Variants in STPG2 observed in about 807,000 individuals in gnomAD.
STPG2 encodes the protein sperm tail PG-rich repeat containing 2.
A neutral mutation model predicts 54.2 loss-of-function variants in STPG2; 56 were observed. The observed-to-expected ratio is 1.03, with a 90% confidence interval of 0.83 to 1.29. STPG2 has a LOEUF of 1.29. Ranked by LOEUF, STPG2 falls within the 50% of genes most tolerant of loss-of-function variation. The pLI, the probability that STPG2 is intolerant of heterozygous loss-of-function variation, is 0.00. For synonymous variants in STPG2, 200 were observed against 181.8 expected, an observed-to-expected ratio of 1.10 and a Z score of -0.81; for missense variants, 596 against 544.9, an observed-to-expected ratio of 1.09 and a Z score of -0.93.
At chr4:97,678,716 C>G (rs1257993424) in intron 10 of STPG2, among the ~76,000 whole-genome samples, 1 of 151,496 alleles carries the variant, frequency 6.6e-6, no homozygotes, top group Non-Finnish European at 1.5e-5. Context: ...TGCTGGTGTG[C>G]TGCACCCATT....
chr4:97,842,452 C>T (rs1233622075), intron 8 of STPG2, among the ~76,000 whole-genome samples: 3 of 151,840 alleles, frequency 2.0e-5, no homozygotes, highest in Admixed American at 6.6e-5. Context: ...CCTGTGCATA[C>T]AATATGCCTA....
intron 8 of STPG2, among the ~76,000 whole-genome samples, chr4:97,913,512 C>A (rs1030961374): frequency 6.6e-6 from 1 of 152,098 alleles, no homozygotes; most frequent in Non-Finnish European, 1.5e-5. Flanking sequence ...GGGTTCCTAA[C>A]CTATAGAACA....
intron 9 of STPG2, among the ~76,000 whole-genome samples, chr4:97,831,665 C>T (rs1227605904): frequency 1.3e-5 from 2 of 151,932 alleles, no homozygotes; most frequent in Non-Finnish European, 2.9e-5. Flanking sequence ...CAAATACATG[C>T]AATAAAAAAT....
intron 8 of STPG2, among the ~76,000 whole-genome samples, chr4:97,843,638 A>G (rs757347831): frequency 6.6e-6 from 1 of 151,914 alleles, no homozygotes. Flanking sequence ...ATTTTAAGCT[A>G]CAAACAAATC....
rs138552695 is a variant in STPG2, at chr4:97,572,160, G to A, written c.1321-13043C>T. ...CACTTGCTTGTTTACACAATCACTT[G>A]TCTGCATTTCAGTTTTCATTTGATT... On this transcript the variant is annotated intron_variant, in intron 10 of 10. Transcript: ENST00000295268. Among the ~76,000 whole-genome samples, 522 of 152,200 alleles carry A rather than the reference G, an allele frequency of 3.4e-3. 2 individuals carry two copies. Among genetic ancestry groups the A allele is most frequent in the Non-Finnish European group, 5.6e-3 (383 of 67,990 alleles).
chr4:98,096,758 A>G (rs1032295591), intron 5 of STPG2, among the ~76,000 whole-genome samples: 2 of 152,114 alleles, frequency 1.3e-5, no homozygotes, highest in African/African-American at 2.4e-5. Flanking sequence ...ATCCAAATAA[A>G]TAAAATCAGA....
intron 5 of STPG2, among the ~76,000 whole-genome samples, chr4:97,993,870 C>T (rs12503375): frequency 0.045 from 6,888 of 152,170 alleles, 245 homozygotes; most frequent in Admixed American, 0.13. Context: ...AGTTTATGTG[C>T]GTAAAGGTGT....
chr4:97,912,110 G>A (rs1044741512), intron 8 of STPG2, among the ~76,000 whole-genome samples: 6 of 151,666 alleles, frequency 4.0e-5, no homozygotes, highest in African/African-American at 1.5e-4. Flanking sequence ...AGAGCGGCCT[G>A]TTAGAAGAAA....
At chr4:97,950,386 T>C (rs773805755) in intron 7 of STPG2, among the ~76,000 whole-genome samples, 18 of 152,290 alleles carry the variant, frequency 1.2e-4, no homozygotes, top group Non-Finnish European at 2.5e-4. Context: ...TTCTAGCCTA[T>C]TGTTAAAACC....
At chr4:97,603,186 T>C (rs1424619137) in intron 10 of STPG2, among the ~76,000 whole-genome samples, 1 of 151,680 alleles carries the variant, frequency 6.6e-6, no homozygotes, top group Non-Finnish European at 1.5e-5. Flanking sequence ...AAAGAAGATA[T>C]ACAAATATCC....
intron 8 of STPG2, among the ~76,000 whole-genome samples, chr4:97,885,505 C>A (rs1265208197): frequency 6.6e-6 from 1 of 152,042 alleles, no homozygotes; most frequent in Non-Finnish European, 1.5e-5. Flanking sequence ...ATTCAATTGA[C>A]CACATTAAAT....
intron 8 of STPG2, among the ~76,000 whole-genome samples, chr4:97,900,962 T>C (rs1731155321): frequency 6.6e-6 from 1 of 151,646 alleles, no homozygotes; most frequent in African/African-American, 2.4e-5. Flanking sequence ...GAAAATAACC[T>C]TTAAACTTTC....
chr4:98,093,660 A>G (rs953336716), intron 5 of STPG2, among the ~76,000 whole-genome samples: 2 of 152,236 alleles, frequency 1.3e-5, no homozygotes, highest in African/African-American at 4.8e-5. Context: ...GGCAGGGGAT[A>G]TAGTCTTGAA....
intron 10 of STPG2, among the ~76,000 whole-genome samples, chr4:97,691,694 G>T (rs891281678): frequency 9.2e-5 from 14 of 152,026 alleles, no homozygotes; most frequent in African/African-American, 3.4e-4. Context: ...TACAACCAAA[G>T]CTGATATGCT....
chr4:97,762,758 T>C (rs185745935), intron 9 of STPG2, among the ~76,000 whole-genome samples: 68 of 152,322 alleles, frequency 4.5e-4, no homozygotes, highest in Non-Finnish European at 2.4e-4. Flanking sequence ...CTTTGATTTC[T>C]TGTGAAATAT....
At chr4:97,493,799 C>A (rs745485696) in intron 4 of STPG2, among the ~76,000 whole-genome samples, 1 of 151,498 alleles carries the variant, frequency 6.6e-6, no homozygotes, top group Non-Finnish European at 1.5e-5. Flanking sequence ...TTGCTGAGAT[C>A]AAAGATGAAA....
chr4:98,118,933 A>G (rs1739595208), intron 3 of STPG2, among the ~76,000 whole-genome samples: 2 of 152,206 alleles, frequency 1.3e-5, no homozygotes, highest in South Asian at 4.1e-4. Context: ...ATCCATACTG[A>G]TATAAATATA....
At chr4:98,026,058 T>A in intron 5 of STPG2, 1 of 1,111,006 alleles carries the variant, frequency 9.0e-7, no homozygotes. Context: ...TCTCAATACA[T>A]AAAGAACAGA....
chr4:98,047,430 G>A (rs1005471149), intron 5 of STPG2, among the ~76,000 whole-genome samples: 2 of 151,750 alleles, frequency 1.3e-5, no homozygotes, highest in African/African-American at 4.8e-5. Context: ...GCAGCAGCTT[G>A]GAAATTGTGC....
Sources: allele counts gnomAD v4.1 joint callset (sites outside exome capture counted in the v4.1 genomes callset), GRCh38; gene constraint gnomAD v4.1.1; transcripts MANE v1.5; gene names NCBI Gene and HGNC (gene_info 2026-07-23, HGNC 2026-07-21).